JAK2: variants seen among roughly 807,000 people sequenced by gnomAD.
JAK2 encodes tyrosine-protein kinase JAK2.
A neutral mutation model predicts 139.3 loss-of-function variants in JAK2; 86 were observed. The ratio of observed to expected loss-of-function variants is 0.62; its 90% CI spans 0.52 to 0.74. The LOEUF (loss-of-function observed/expected upper bound fraction) is 0.74, where lower values mean the gene tolerates loss of function less well. JAK2 is among the 30% of genes least tolerant of loss of function. JAK2 has a pLI of 0.00. For synonymous variants in JAK2, 490 were observed against 437.7 expected, an observed-to-expected ratio of 1.12 and a Z score of -1.49; for missense variants, 1,421 against 1,360.3, an observed-to-expected ratio of 1.04 and a Z score of -0.70.
chr9:5,107,197 A>G (rs1336531287), intron 22 of JAK2, among the ~76,000 whole-genome samples: 1 of 152,122 alleles, frequency 6.6e-6, no homozygotes, highest in African/African-American at 2.4e-5. Context: ...CCAATCAACT[A>G]GTTTCGATAA....
intron 22 of JAK2, among the ~76,000 whole-genome samples, chr9:5,103,482 A>AG (rs1446815434): frequency 6.6e-6 from 1 of 152,116 alleles, no homozygotes; most frequent in African/African-American, 2.4e-5. Flanking sequence ...GGAGACTTTA[A>AG]CACCTCTCTG....
At chr9:5,120,978 G>T (rs1004760595) in intron 22 of JAK2, among the ~76,000 whole-genome samples, 8 of 152,172 alleles carry the variant, frequency 5.3e-5, no homozygotes, top group African/African-American at 1.9e-4. Flanking sequence ...AAAGGTCAAA[G>T]ATATGGTTAT....
At chr9:5,115,081 A>T (rs1269246319) in intron 22 of JAK2, among the ~76,000 whole-genome samples, 3 of 152,224 alleles carry the variant, frequency 2.0e-5, no homozygotes, top group Non-Finnish European at 4.4e-5. Context: ...GATCTAATTA[A>T]ACTAAACAGC....
At chr9:5,070,185 AT>A in intron 12 of JAK2, 133 bp downstream of exon 12, 4 of 513,660 alleles carry the variant, frequency 7.8e-6, no homozygotes, top group Non-Finnish European at 1.3e-5. Context: ...TATTTTTCTT[AT>A]GAAAAATATG....
intron 3 of JAK2, among the ~76,000 whole-genome samples, chr9:5,024,221 A>G (rs752795797): frequency 2.0e-5 from 3 of 152,048 alleles, no homozygotes; most frequent in Non-Finnish European, 2.9e-5. Flanking sequence ...GCGCCACTGC[A>G]CTCCAGCCTG....
chr9:5,084,960 T>C (rs1819965287), intron 19 of JAK2: 4 of 699,416 alleles, frequency 5.7e-6, no homozygotes, highest in Non-Finnish European at 1.0e-5. Flanking sequence ...TTAGGCACAG[T>C]CTGAGATAGC....
At position 5,064,922 on chromosome 9, in the gene JAK2, G is replaced by A. The variant is rs375678155; in HGVS notation, c.1096G>A (p.Val366Met). 1.9e-5 allele frequency: 30 copies of A among 1,594,312 alleles called. No individual in the cohort carries two copies. Among genetic ancestry groups the A allele is most frequent in the African/African-American group, 2.7e-5 (2 of 73,920 alleles). Residue 366 changes from valine to methionine, a missense_variant, in exon 9 of 25, where the codon GTG becomes ATG. Coordinates refer to ENST00000381652, the MANE Select transcript of JAK2 (RefSeq NM_004972.4). ...LSSLREALSF[V>M]SLIDGYYRLT... is the part of the protein sequence containing the mutation. ...CTCATTAAGGGAAGCTTTGTCTTTC[G>A]TGTCATTAATTGATGGATATTATAG...
chr9:5,041,113 G>A (rs1816470830), intron 4 of JAK2: 2 of 826,060 alleles, frequency 2.4e-6, no homozygotes, highest in East Asian at 2.6e-5. Context: ...CGACCTTCAC[G>A]CCCAAGACGG....
In JAK2 at chr9:5,127,182, T is replaced by C. The variant is rs763553269; in HGVS notation, c.*391T>C. On this transcript the variant is annotated 3_prime_UTR_variant, in exon 25 of 25. Coordinates refer to ENST00000381652, the MANE Select transcript of JAK2 (RefSeq NM_004972.4). Reference sequence around the variant, plus strand: ...TATAGTTTTTACCACAGTGGATGTATAATACCTTGGCATCTTGTGTGATGT... The same window carrying C: ...TATAGTTTTTACCACAGTGGATGTACAATACCTTGGCATCTTGTGTGATGT... The C allele has an allele frequency of 2.5e-5, 6 of 236,838 alleles. No homozygotes were observed. The highest frequency in any genetic ancestry group is 5.0e-5 in the Non-Finnish European group (6 of 120,302). The allele number at this position is 236,838 out of a possible 1,614,324, so 14.7% of individuals were successfully genotyped here. A position where few individuals can be genotyped will look rare whatever the true frequency, so the allele number is the denominator to read the frequency against.
chr9:5,034,963 A>G (rs145214689), intron 4 of JAK2, among the ~76,000 whole-genome samples: 2,214 of 152,328 alleles, frequency 0.015, 67 homozygotes, highest in African/African-American at 0.051. Flanking sequence ...GTGTTTTGAA[A>G]AGATCAACAA....
rs763128346 is a variant in JAK2, at chr9:5,029,872, G to C, written c.316G>C (p.Glu106Gln). 1.2e-6 allele frequency: 2 copies of C among 1,612,566 alleles called. No individual in the cohort carries two copies. Among genetic ancestry groups the C allele is most frequent in the South Asian group, 2.2e-5 (2 of 90,838 alleles). Reference sequence around the variant, plus strand: ...ACCCAACCATGTCTTCCATATAGATGAGTCAACCAGGCATAATGTACTCTA... The same window carrying C: ...ACCCAACCATGTCTTCCATATAGATCAGTCAACCAGGCATAATGTACTCTA... ...YPPNHVFHID[E>Q]STRHNVLYRI... is the part of the protein sequence containing the mutation. Residue 106 changes from glutamate to glutamine, a missense_variant, in exon 4 of 25, where the codon GAG becomes CAG. Coordinates refer to ENST00000381652, the MANE Select transcript of JAK2 (RefSeq NM_004972.4).
At chr9:5,042,913 G>C (rs1237067991) in intron 4 of JAK2, among the ~76,000 whole-genome samples, 1 of 152,200 alleles carries the variant, frequency 6.6e-6, no homozygotes, top group Non-Finnish European at 1.5e-5. Flanking sequence ...GCGAGGGGCA[G>C]GTGGGCCCTG....
At chr9:5,069,830 C>T (rs1818827863) in intron 11 of JAK2, 95 bp from the exon 12 acceptor site, 1 of 667,438 alleles carries the variant, frequency 1.5e-6, no homozygotes, top group South Asian at 4.4e-5. Context: ...TTAAGCATTT[C>T]TTATACGTAG....
intron 5 of JAK2, among the ~76,000 whole-genome samples, chr9:5,044,871 T>A (rs1816890884): frequency 6.6e-6 from 1 of 152,180 alleles, no homozygotes; most frequent in Non-Finnish European, 1.5e-5. Flanking sequence ...TTATGGTTTT[T>A]AAAAAAATTT....
chr9:5,005,547 T>C (rs1221977636), intron 2 of JAK2, among the ~76,000 whole-genome samples: 2 of 152,200 alleles, frequency 1.3e-5, no homozygotes, highest in Non-Finnish European at 2.9e-5. Flanking sequence ...TAAAGTGTTA[T>C]TGGATTTAAT....
intron 3 of JAK2, among the ~76,000 whole-genome samples, chr9:5,024,060 T>C (rs1373287934): frequency 4.6e-5 from 7 of 152,104 alleles, no homozygotes; most frequent in Non-Finnish European, 1.0e-4. Flanking sequence ...ATCGAGATCA[T>C]CCTGGCTAAT....
At chr9:5,069,367 GTTTAC>G (rs1327372796) in intron 11 of JAK2, among the ~76,000 whole-genome samples, 159 bp downstream of exon 11, 2 of 152,028 alleles carry the variant, frequency 1.3e-5, no homozygotes, top group Admixed American at 6.6e-5. Context: ...AAATAAGATT[GTTTAC>G]TTTGGTTTTG....
intron 12 of JAK2, 26 bp from the exon 13 acceptor site, chr9:5,072,465 CT>C: frequency 6.7e-7 from 1 of 1,490,728 alleles, no homozygotes; most frequent in Non-Finnish European, 9.0e-7. Context: ...TTTACTCATT[CT>C]TTTCTTTTAC....
rs1823994132 is a variant in JAK2, at chr9:5,126,329, T to G, written c.3178-4T>G. ...AAAAAATATTGAAAGTGGGTTTGTT[T>G]TAGGAATTTATGCGTATGATTGGCA... On this transcript the variant is annotated splice_region_variant and splice_polypyrimidine_tract_variant and intron_variant, in intron 23 of 24. Transcript: ENST00000381652. 1.3e-6 allele frequency: 2 copies of G among 1,585,276 alleles called. No individual in the cohort carries two copies. Among genetic ancestry groups the G allele is most frequent in the Admixed American group, 1.8e-5 (1 of 56,578 alleles).
Sources: allele counts gnomAD v4.1 joint callset (sites outside exome capture counted in the v4.1 genomes callset), GRCh38; gene constraint gnomAD v4.1.1; transcripts MANE v1.5; gene names NCBI Gene and HGNC (gene_info 2026-07-23, HGNC 2026-07-21).